IST1: variants seen among roughly 807,000 people sequenced by gnomAD.
The protein encoded by IST1 is IST1 homolog.
Under a neutral mutation model 37.0 loss-of-function variants are expected in IST1, and 23 were observed. The ratio of observed to expected loss-of-function variants is 0.62; its 90% CI spans 0.45 to 0.88. IST1 has a LOEUF of 0.88. Ranked by LOEUF, IST1 falls within the 40% of genes least tolerant of loss-of-function variation. The pLI is 0.00. For missense variants in IST1, 488 were observed against 445.4 expected (o/e 1.10, Z -0.86); for synonymous variants, 180 against 161.7 (o/e 1.11, Z -0.86).
chr16:71,897,143 A>G (rs1293731160), intron 1 of IST1, among the ~76,000 whole-genome samples: 3 of 144,448 alleles, frequency 2.1e-5, no homozygotes, highest in Non-Finnish European at 4.5e-5. Flanking sequence ...CCTTGGGAGT[A>G]GTAGCTGACA....
At chr16:71,922,322 C>A in intron 6 of IST1, 152 bp from the exon 7 acceptor site, 1 of 682,544 alleles carries the variant, frequency 1.5e-6, no homozygotes, top group Non-Finnish European at 2.6e-6. Context: ...CTTCTCCTTC[C>A]ACCTAACTCT....
At chr16:71,922,440 G>C (rs913331753) in intron 6 of IST1, 34 bp from the exon 7 acceptor site, 1 of 1,583,628 alleles carries the variant, frequency 6.3e-7, no homozygotes, top group Non-Finnish European at 8.7e-7. Flanking sequence ...CCTTGGACAT[G>C]GGTTAATGAC....
intron 1 of IST1, among the ~76,000 whole-genome samples, chr16:71,904,002 C>A (rs182662657): frequency 5.0e-4 from 76 of 152,258 alleles, no homozygotes; most frequent in African/African-American, 1.7e-3. Context: ...ATTGTTGTAT[C>A]TTCCTGGTGA....
chr16:71,906,495 C>T (rs541317724), intron 1 of IST1, among the ~76,000 whole-genome samples: 66 of 148,374 alleles, frequency 4.4e-4, no homozygotes, highest in Middle Eastern at 6.9e-3. Flanking sequence ...TTTTTTTTTT[C>T]GTAGAGACGG....
At chr16:71,913,785 G>A (rs896546454) in intron 1 of IST1, among the ~76,000 whole-genome samples, 7 of 152,106 alleles carry the variant, frequency 4.6e-5, no homozygotes, top group Admixed American at 6.6e-5. Context: ...ACAGACATAA[G>A]CCACCACACT....
At chr16:71,908,179 C>T (rs187945353) in intron 1 of IST1, among the ~76,000 whole-genome samples, 4 of 151,566 alleles carry the variant, frequency 2.6e-5, no homozygotes, top group Non-Finnish European at 2.9e-5. Flanking sequence ...CCTGACCTCA[C>T]GATCCACCCG....
At chr16:71,918,577 C>T (rs2037514895) in intron 4 of IST1, among the ~76,000 whole-genome samples, 2 of 152,002 alleles carry the variant, frequency 1.3e-5, no homozygotes, top group African/African-American at 2.4e-5. Context: ...CCACCATGCC[C>T]AGCTAATTTT....
At position 71,927,751 on chromosome 16, in the gene IST1, T is replaced by G. The variant is rs777377033; in HGVS notation, c.1039T>G (p.Ser347Ala). ...ATCTGCTGGTGCCAGCACCTCAGCA[T>G]CTGAAGACATTGACTTTGATGATCT... ...TASAGASTSA[S>A]EDIDFDDLSR... is the part of the protein sequence containing the mutation. Residue 347 changes from serine (S) to alanine (A), a missense_variant, in exon 10 of 10, where the codon TCT becomes GCT. By Grantham distance (99) the Ser-to-Ala change is moderately conservative. This residue lies in a region of IST1 where 455 missense variants were observed against 386.2 expected (regional missense o/e 1.18). Coordinates refer to ENST00000378799, the MANE Select transcript of IST1 (RefSeq NM_001270975.2). 1 of 1,614,178 alleles carries G rather than the reference T, an allele frequency of 6.2e-7. No individual in the cohort carries two copies. Among genetic ancestry groups the G allele is most frequent in the Non-Finnish European group, 8.5e-7 (1 of 1,180,010 alleles).
At position 71,923,320 on chromosome 16, in the gene IST1, T is replaced by C. The variant is rs367850071; in HGVS notation, c.792T>C (p.Tyr264=). The C allele has an allele frequency of 1.2e-5, 20 of 1,612,758 alleles. No individual in the cohort carries two copies. Among genetic ancestry groups the C allele is most frequent in the African/African-American group, 5.3e-5 (4 of 75,020 alleles). ...SDFNGLPMGT[Y]QAFPNIHPPQ... ...TCAATGGACTGCCAATGGGGACTTA[T>C]CAGGCCTTTCCCAATATTCATCCAC... Residue 264 remains tyrosine, a synonymous_variant, in exon 8 of 10, where the codon TAT becomes TAC. Coordinates refer to ENST00000378799, the MANE Select transcript of IST1 (RefSeq NM_001270975.2).
At chr16:71,904,844 ATC>A (rs2037184617) in intron 1 of IST1, among the ~76,000 whole-genome samples, 1 of 152,142 alleles carries the variant, frequency 6.6e-6, no homozygotes, top group African/African-American at 2.4e-5. Context: ...TTCTCACAAT[ATC>A]TGTCTTTTAA....
At chr16:71,917,197 A>G (rs955073276) in intron 4 of IST1, 63 bp downstream of exon 4, 2 of 954,520 alleles carry the variant, frequency 2.1e-6, no homozygotes. Context: ...GTTGGTTAAT[A>G]TAAGTTACTT....
Position 71,928,748 on chromosome 16 carries a change from T to A in IST1, c.*935T>A, listed in dbSNP as rs2037814207. 6.6e-6 allele frequency: 1 copy of A among 152,142 alleles called. No homozygotes were observed. The highest frequency in any genetic ancestry group is 2.1e-4 in the South Asian group (1 of 4,824). 9.4% of individuals were successfully genotyped at this position (152,142 alleles called of 1,614,324 possible). Reference sequence around the variant, plus strand: ...ACCTTTAAAACTAATCTCAGAAAAATTTTTGGTGCCCATGCAGCTGTAGTT... The same window carrying A: ...ACCTTTAAAACTAATCTCAGAAAAAATTTTGGTGCCCATGCAGCTGTAGTT... On this transcript the variant is annotated 3_prime_UTR_variant, in exon 10 of 10. Coordinates refer to ENST00000378799, the MANE Select transcript of IST1 (RefSeq NM_001270975.2).
chr16:71,910,257 C>T (rs541991348), intron 1 of IST1, among the ~76,000 whole-genome samples: 21 of 152,228 alleles, frequency 1.4e-4, no homozygotes, highest in Admixed American at 3.9e-4. Flanking sequence ...AGCATATCCA[C>T]GCTGTGTATG....
intron 1 of IST1, 160 bp downstream of exon 1, chr16:71,895,749 G>T: frequency 5.2e-6 from 1 of 190,564 alleles, no homozygotes; most frequent in Non-Finnish European, 9.7e-6. Context: ...GGGTCAGACC[G>T]GAGGTCAGGC....
chr16:71,903,703 T>G (rs2037159304), intron 1 of IST1: 1 of 152,188 alleles, frequency 6.6e-6, no homozygotes, highest in South Asian at 2.1e-4. Flanking sequence ...CTGGTCCTAT[T>G]TAATTTGTTA....
chr16:71,916,536 C>G lies in IST1; in HGVS notation c.163C>G (p.Arg55Gly). ...TGGGAAAGATGAACGAGCTCGGATCCGTGTGGAGCACATTATCCGGGAAGA... is the reference window on the plus strand; with the variant it reads ...TGGGAAAGATGAACGAGCTCGGATCGGTGTGGAGCACATTATCCGGGAAGA... ...AAGKDERARI[R>G]VEHIIREDYL... is the part of the protein sequence containing the mutation. The change falls in exon 3 of 10, where the codon CGT becomes GGT. Residue 55 changes from arginine (R) to glycine (G), a missense_variant. Physicochemically the swap from Arg to Gly is moderately radical, Grantham distance 125. Coordinates refer to ENST00000378799, the MANE Select transcript of IST1 (RefSeq NM_001270975.2). The G allele has an allele frequency of 1.2e-6, 2 of 1,613,790 alleles. No homozygotes were observed. Among genetic ancestry groups the G allele is most frequent in the Non-Finnish European group, 1.7e-6 (2 of 1,179,828 alleles).
chr16:71,920,453 AT>A (rs2037554094), intron 4 of IST1, among the ~76,000 whole-genome samples: 1 of 152,236 alleles, frequency 6.6e-6, no homozygotes, highest in African/African-American at 2.4e-5. Flanking sequence ...ACTTTGTACA[AT>A]TTGATTAATG....
rs112466815 is a variant in IST1 at position 71,930,539 on chromosome 16, A to G, written c.*2726A>G. 96 of 166,558 alleles carry G rather than the reference A, an allele frequency of 5.8e-4. No homozygotes were observed. Among genetic ancestry groups the G allele is most frequent in the African/African-American group, 1.9e-3 (80 of 42,190 alleles). The allele number at this position is 166,558 out of a possible 1,614,324, so 10.3% of individuals were successfully genotyped here. ...AAGCAAACACTGAAAGATTAAATGC[A>G]TACCAGAAATGAGAATGCACACTGT... On this transcript the variant is annotated 3_prime_UTR_variant, in exon 10 of 10. Coordinates refer to ENST00000378799, the MANE Select transcript of IST1 (RefSeq NM_001270975.2).
chr16:71,930,631 C>T lies in IST1; in HGVS notation c.*2818C>T, dbSNP rs1234947597. The T allele has an allele frequency of 6.6e-6, 1 of 152,432 alleles. No homozygotes were observed. The highest frequency in any genetic ancestry group is 1.5e-5 in the Non-Finnish European group (1 of 68,362). The allele number at this position is 152,432 out of a possible 1,614,324, so 9.4% of individuals were successfully genotyped here. On this transcript the variant is annotated 3_prime_UTR_variant, in exon 10 of 10. Transcript: ENST00000378799. ...TTCCAATAAAAGTTAACAGGTTGGC[C>T]ACAGAAAACTGGCTTTTTAGTATTT... is the stretch of plus-strand genomic sequence containing the variant.
Sources: gnomAD v4.1 joint callset for allele counts (sites outside exome capture counted in the v4.1 genomes callset) on GRCh38, gnomAD v4.1.1 for gene constraint, gnomAD v4.1.1 regional missense constraint, MANE v1.5 for transcripts, NCBI Gene and HGNC (gene_info 2026-07-23, HGNC 2026-07-21) for gene names.